The following PNOC variants were observed in gnomAD, a reference collection of about 807,000 sequenced individuals.
The protein encoded by PNOC is prepronociceptin.
A neutral mutation model predicts 15.6 loss-of-function variants in PNOC; 10 were observed. That is an observed-to-expected ratio of 0.64 (90% CI 0.40 to 1.09). The LOEUF is 1.09. Ranked by LOEUF, PNOC falls within the 50% of genes least tolerant of loss-of-function variation. The pLI, the probability that PNOC is intolerant of heterozygous loss-of-function variation, is 0.01. For synonymous variants in PNOC, 98 were observed against 88.5 expected, an observed-to-expected ratio of 1.11 and a Z score of -0.60; for missense variants, 220 against 223.9, an observed-to-expected ratio of 0.98 and a Z score of 0.11.
At chr8:28,320,088 CTTTCTTTTTTTTTT>C (rs1159053047) in intron 1 of PNOC, among the ~76,000 whole-genome samples, 5 of 27,136 alleles carry the variant, frequency 1.8e-4, no homozygotes, top group African/African-American at 4.0e-4. Flanking sequence ...TTCTTTCTTT[CTTTCTTTTTTTTTT>C]TTTTTTTTTT....
In PNOC at chr8:28,334,022, T is replaced by C. The variant is rs191511500; in HGVS notation, c.126+4739T>C. Reference sequence around the variant, plus strand: ...GTCCTGGGCACTTTAGGATGTTTACTGGCATCCCTGGCCTCTAGGTGCCAG... The same window carrying C: ...GTCCTGGGCACTTTAGGATGTTTACCGGCATCCCTGGCCTCTAGGTGCCAG... On this transcript the variant is annotated intron_variant, in intron 2 of 3. Transcript: ENST00000301908. 7.3e-5 allele frequency among the ~76,000 whole-genome samples: 11 copies of C among 151,624 alleles called. No individual in the cohort carries two copies. The East Asian group carries it at 2.1e-3, about 29-fold the overall frequency.
At chr8:28,332,186 C>T (rs757151440) in intron 2 of PNOC, among the ~76,000 whole-genome samples, 3 of 152,154 alleles carry the variant, frequency 2.0e-5, no homozygotes, top group Non-Finnish European at 4.4e-5. Context: ...TGGCTGCCTG[C>T]TTGTTTTTGT....
chr8:28,321,494 T>C (rs1381552785), intron 1 of PNOC, among the ~76,000 whole-genome samples: 1 of 152,108 alleles, frequency 6.6e-6, no homozygotes, highest in African/African-American at 2.4e-5. Flanking sequence ...ATGGCTTTCC[T>C]CATGCTGCCC....
At chr8:28,332,285 C>A (rs1023019755) in intron 2 of PNOC, among the ~76,000 whole-genome samples, 7 of 152,282 alleles carry the variant, frequency 4.6e-5, no homozygotes, top group East Asian at 1.9e-4. Context: ...AATCTGGCAG[C>A]CTTTGACTAT....
intron 2 of PNOC, among the ~76,000 whole-genome samples, chr8:28,334,501 AT>A (rs1046674714): frequency 3.3e-5 from 5 of 151,274 alleles, no homozygotes; most frequent in South Asian, 4.2e-4. Flanking sequence ...CTCCAGTAGC[AT>A]TTTTTTTTCT....
At chr8:28,330,400 T>TATTTTTTTTTTTTTTATTA (rs1431540071) in intron 2 of PNOC, among the ~76,000 whole-genome samples, 3 of 102,246 alleles carry the variant, frequency 2.9e-5, no homozygotes, top group Admixed American at 1.0e-4. Context: ...TATTTTATTT[T>TATTTTTTTTTTTTTTATTA]TTTTTTTTTT....
chr8:28,330,746 C>A (rs1479147056), intron 2 of PNOC, among the ~76,000 whole-genome samples: 1 of 151,822 alleles, frequency 6.6e-6, no homozygotes, highest in African/African-American at 2.4e-5. Context: ...ACAGTGAACC[C>A]CTTAGTACCA....
intron 3 of PNOC, 50 bp from the exon 4 acceptor site, chr8:28,342,892 T>C (rs535974959): frequency 4.5e-5 from 34 of 751,168 alleles, no homozygotes; most frequent in Non-Finnish European, 1.3e-5. Context: ...TAGAAAAGGG[T>C]CAGAAAAACC....
At chr8:28,319,345 A>G (rs1801110217) in intron 1 of PNOC, among the ~76,000 whole-genome samples, 1 of 152,164 alleles carries the variant, frequency 6.6e-6, no homozygotes, top group Admixed American at 6.5e-5. Context: ...CATGCAAGGC[A>G]GGGTGTAATT....
intron 1 of PNOC, among the ~76,000 whole-genome samples, chr8:28,328,067 T>C (rs1274786444): frequency 7.9e-4 from 106 of 134,474 alleles, no homozygotes; most frequent in Non-Finnish European, 1.3e-3. Context: ...CTCTTTTTTT[T>C]TTTTTTTTTT....
chr8:28,335,480 T>C (rs1054408907), intron 2 of PNOC, among the ~76,000 whole-genome samples: 1 of 152,354 alleles, frequency 6.6e-6, no homozygotes. Flanking sequence ...AAAAATAAGT[T>C]TTAATCCCTG....
chr8:28,320,411 TC>T (rs775739406), intron 1 of PNOC, among the ~76,000 whole-genome samples: 3 of 152,192 alleles, frequency 2.0e-5, no homozygotes, highest in Non-Finnish European at 4.4e-5. Flanking sequence ...GCTGGCTTCC[TC>T]CAAACTCACA....
At position 28,339,195 on chromosome 8, in the gene PNOC, T is replaced by G; in HGVS notation, c.282T>G (p.His94Gln). 1 of 1,613,260 alleles carries G rather than the reference T, an allele frequency of 6.2e-7. No homozygotes were observed. The highest frequency in any genetic ancestry group is 8.5e-7 in the Non-Finnish European group (1 of 1,179,314). ...LYQPRASEMQ[H>Q]LRRMPRVRSL... ...AGCCGAGAGCTTCGGAGATGCAGCATCTGCGGCGAATGCCCCGAGTCCGGA... is the reference window on the plus strand; with the variant it reads ...AGCCGAGAGCTTCGGAGATGCAGCAGCTGCGGCGAATGCCCCGAGTCCGGA... The change falls in exon 3 of 4, where the codon CAT (histidine) becomes CAG (glutamine). Residue 94 changes from histidine (H) to glutamine (Q), a missense_variant. His to Gln is a conservative substitution (Grantham distance 24). Coordinates refer to ENST00000301908, the MANE Select transcript of PNOC (RefSeq NM_006228.5).
At chr8:28,334,525 C>T (rs1047266811) in intron 2 of PNOC, among the ~76,000 whole-genome samples, 13 of 152,088 alleles carry the variant, frequency 8.5e-5, no homozygotes, top group African/African-American at 2.7e-4. Context: ...GAGACAGTCC[C>T]GTTCTGTCAC....
At position 28,329,149 on chromosome 8, in the gene PNOC, T is replaced by C; in HGVS notation, c.-9T>C. The C allele has an allele frequency of 6.2e-7, 1 of 1,613,376 alleles. No individual in the cohort carries two copies. Among genetic ancestry groups the C allele is most frequent in the Non-Finnish European group, 8.5e-7 (1 of 1,179,998 alleles). On this transcript the variant is annotated 5_prime_UTR_variant, in exon 2 of 4. Transcript: ENST00000301908. ...GTATGTTCCAGCACCTGCTTCCTGC[T>C]CCTGCACCATGAAAGTCCTGCTTTG...
rs1054829011 is a variant in PNOC at position 28,317,272 on chromosome 8, G to C, written c.-68G>C. 6.5e-6 allele frequency: 1 copy of C among 152,680 alleles called. No individual in the cohort carries two copies. Among genetic ancestry groups the C allele is most frequent in the Non-Finnish European group, 1.5e-5 (1 of 68,438 alleles). The allele number at this position is 152,680 out of a possible 1,614,324, so 9.5% of individuals were successfully genotyped here. ...CTGGTGTGGCTGAGAAAGCGGAACC[G>C]AGCCTCGCATCCATCGGAGGGAGCC... is the stretch of plus-strand genomic sequence containing the variant. On this transcript the variant is annotated 5_prime_UTR_variant, in exon 1 of 4. Coordinates refer to ENST00000301908, the MANE Select transcript of PNOC (RefSeq NM_006228.5).
chr8:28,332,463 T>G (rs1456198380), intron 2 of PNOC, among the ~76,000 whole-genome samples: 4 of 152,194 alleles, frequency 2.6e-5, no homozygotes, highest in Admixed American at 2.6e-4. Flanking sequence ...TATGGCTGCT[T>G]GTTGTTAGAC....
intron 2 of PNOC, among the ~76,000 whole-genome samples, chr8:28,334,343 G>A (rs187199966): frequency 3.3e-5 from 5 of 152,236 alleles, no homozygotes; most frequent in African/African-American, 1.2e-4. Flanking sequence ...CCTCCTCAGA[G>A]CAAGTTCCAA....
chr8:28,330,391 A>ATTTTATTTTATTTTTTTTTTTTT (rs1554517520), intron 2 of PNOC, among the ~76,000 whole-genome samples: 1 of 76,082 alleles, frequency 1.3e-5, no homozygotes, highest in Non-Finnish European at 2.9e-5. Flanking sequence ...ATTTTATTTT[A>ATTTTATTTTATTTTTTTTTTTTT]TTTTATTTTT....
Sources: allele counts gnomAD v4.1 joint callset (sites outside exome capture counted in the v4.1 genomes callset), GRCh38; gene constraint gnomAD v4.1.1; transcripts MANE v1.5; gene names NCBI Gene and HGNC (gene_info 2026-07-23, HGNC 2026-07-21).